The following RYR2 variants were observed in gnomAD, a reference collection of about 807,000 sequenced individuals.
RYR2 encodes ryanodine receptor 2.
RYR2 carries 227 observed loss-of-function variants against 601.1 expected under a neutral mutation model. The ratio of observed to expected loss-of-function variants is 0.38; its 90% confidence interval spans 0.34 to 0.42. The LOEUF (loss-of-function observed/expected upper bound fraction) is 0.42. Among genes scored for constraint, RYR2 ranks in the 10% least tolerant of loss-of-function variants. The pLI is 1.00. For missense variants in RYR2, 4,646 were observed against 6,156.5 expected (o/e 0.75, Z 8.21); for synonymous variants, 2,223 against 2,175.1 (o/e 1.02, Z -0.61).
chr1:237,496,014 G>A (rs894076287), intron 19 of RYR2, among the ~76,000 whole-genome samples: 1 of 152,184 alleles, frequency 6.6e-6, no homozygotes, highest in African/African-American at 2.4e-5. Flanking sequence ...GGCTTTCTCT[G>A]TGTACTACCT....
chr1:237,342,455 A>C (rs1697906208), intron 3 of RYR2, among the ~76,000 whole-genome samples: 1 of 151,792 alleles, frequency 6.6e-6, no homozygotes, highest in Admixed American at 6.6e-5. Flanking sequence ...CACCCCACTC[A>C]TACAACCTCT....
chr1:237,456,488 A>G (rs1018081380), intron 15 of RYR2, 112 bp from the exon 16 acceptor site: 1 of 1,161,156 alleles, frequency 8.6e-7, no homozygotes, highest in Non-Finnish European at 1.1e-6. Flanking sequence ...TGATTAGTAG[A>G]TGAACCTTCA....
rs1572014733 is a variant in RYR2, at chr1:237,369,574, A to G, written c.350A>G (p.His117Arg). ...GGGHRTLLYG[H>R]AILLRHSYSG... ...GGTCATCGAACACTCCTCTACGGACATGCCATATTGCTGCGCCATTCCTAT... is the reference window on the plus strand; with the variant it reads ...GGTCATCGAACACTCCTCTACGGACGTGCCATATTGCTGCGCCATTCCTAT... The change falls in exon 6 of 105, where the codon CAT (histidine) becomes CGT (arginine). Residue 117 changes from histidine (H) to arginine (R), a missense_variant. Physicochemically the swap from His to Arg is conservative, Grantham distance 29. Transcript: ENST00000366574. 6.4e-7 allele frequency: 1 copy of G among 1,565,286 alleles called. No individual in the cohort carries two copies. The highest frequency in any genetic ancestry group is 8.7e-7 in the Non-Finnish European group (1 of 1,153,036).
intron 10 of RYR2, among the ~76,000 whole-genome samples, chr1:237,407,617 T>G (rs945287226): frequency 4.6e-5 from 7 of 150,862 alleles, no homozygotes; most frequent in Admixed American, 4.6e-4. Flanking sequence ...TTGTTTTTTT[T>G]TTTTTTTTTT....
chr1:237,803,256 G>A (rs2149424785), intron 98 of RYR2, among the ~76,000 whole-genome samples: 1 of 151,912 alleles, frequency 6.6e-6, no homozygotes, highest in Middle Eastern at 3.4e-3. Flanking sequence ...TGTCACTTAG[G>A]TCGTTACTCA....
intron 1 of RYR2, among the ~76,000 whole-genome samples, chr1:237,200,848 A>T (rs752793995): frequency 3.3e-5 from 5 of 152,180 alleles, no homozygotes; most frequent in Non-Finnish European, 7.3e-5. Flanking sequence ...ATCGATTGCT[A>T]AAGTTATGTG....
chr1:237,399,974 C>A (rs896340121), intron 10 of RYR2, among the ~76,000 whole-genome samples: 2 of 151,828 alleles, frequency 1.3e-5, no homozygotes, highest in Non-Finnish European at 2.9e-5. Flanking sequence ...TGAAGAGAAA[C>A]TCAGAAAGAT....
chr1:237,822,883 C>T (rs2102867631), intron 101 of RYR2, among the ~76,000 whole-genome samples: 1 of 152,238 alleles, frequency 6.6e-6, no homozygotes, highest in Admixed American at 6.5e-5. Context: ...GCAGGGATTG[C>T]AATTCTAGTC....
rs928918948 is a variant in RYR2 at position 237,081,621 on chromosome 1, G to A, written c.48+39052G>A. 1.7e-4 allele frequency among the ~76,000 whole-genome samples: 25 copies of A among 150,934 alleles called. 1 individual carries two copies. Among genetic ancestry groups the A allele is most frequent in the East Asian group, 3.9e-4 (2 of 5,126 alleles). On this transcript the variant is annotated intron_variant, in intron 1 of 104. Transcript: ENST00000366574. ...ACATATATGGCACACACACACATAC[G>A]CACACACTCTCTCTCTCCCTCTCTC...
At position 237,340,177 on chromosome 1, in the gene RYR2, G is replaced by C. The variant is rs546344641; in HGVS notation, c.273+9195G>C. 1.2e-4 allele frequency among the ~76,000 whole-genome samples: 18 copies of C among 152,294 alleles called. No homozygotes were observed. In the South Asian group the frequency reaches 3.7e-3, roughly 32 times the overall value. ...TCTTGAGCCAAACTAGGACCAACAA[G>C]TAAAATCTTTGCCTATGAAAACAAA... On this transcript the variant is annotated intron_variant, in intron 3 of 104. Coordinates refer to ENST00000366574, the MANE Select transcript of RYR2 (RefSeq NM_001035.3).
chr1:237,493,934 CT>C (rs1285810835), intron 19 of RYR2, among the ~76,000 whole-genome samples: 2 of 152,188 alleles, frequency 1.3e-5, no homozygotes, highest in Non-Finnish European at 2.9e-5. Flanking sequence ...GTATTCTCTA[CT>C]GTTTGTGTCT....
chr1:237,407,035 A>C (rs1163400236), intron 10 of RYR2, among the ~76,000 whole-genome samples: 1 of 152,146 alleles, frequency 6.6e-6, no homozygotes. Flanking sequence ...TATTTATTTT[A>C]CTGTCTCCAT....
At chr1:237,339,235 A>G (rs2149605212) in intron 3 of RYR2, among the ~76,000 whole-genome samples, 1 of 152,276 alleles carries the variant, frequency 6.6e-6, no homozygotes, top group South Asian at 2.1e-4. Context: ...TACCACACTC[A>G]TCATGTTTTA....
intron 1 of RYR2, among the ~76,000 whole-genome samples, chr1:237,128,113 G>C (rs1283929239): frequency 1.3e-5 from 2 of 152,180 alleles, no homozygotes; most frequent in African/African-American, 2.4e-5. Context: ...CTGAGTGAAC[G>C]AGACTCCGTC....
chr1:237,514,375 G>A (rs1217414500), intron 24 of RYR2, among the ~76,000 whole-genome samples: 2 of 152,160 alleles, frequency 1.3e-5, no homozygotes, highest in East Asian at 1.9e-4. Context: ...GGCTGATTTG[G>A]TTAATCTTCA....
At chr1:237,167,749 G>A (rs1676881453) in intron 1 of RYR2, among the ~76,000 whole-genome samples, 1 of 126,610 alleles carries the variant, frequency 7.9e-6, no homozygotes, top group Non-Finnish European at 1.6e-5. Context: ...TAGAGATGAG[G>A]TCTTGCTGTG....
chr1:237,439,447 C>A (rs1707694756), intron 12 of RYR2, among the ~76,000 whole-genome samples: 1 of 152,096 alleles, frequency 6.6e-6, no homozygotes, highest in African/African-American at 2.4e-5. Context: ...GCGTTTAAGA[C>A]TAGCCTCACC....
intron 98 of RYR2, among the ~76,000 whole-genome samples, chr1:237,802,972 A>G (rs1402808093): frequency 2.0e-5 from 3 of 152,182 alleles, no homozygotes; most frequent in African/African-American, 4.8e-5. Context: ...CTGCAGTTTC[A>G]TGGCTTCTGT....
At chr1:237,805,674 G>A (rs919593181) in intron 98 of RYR2, among the ~76,000 whole-genome samples, 3 of 143,068 alleles carry the variant, frequency 2.1e-5, no homozygotes, top group African/African-American at 7.9e-5. Context: ...CTTTTTAATT[G>A]TATTTTTTTA....
Sources: allele counts gnomAD v4.1 joint callset (sites outside exome capture counted in the v4.1 genomes callset), GRCh38; gene constraint gnomAD v4.1.1; transcripts MANE v1.5; gene names NCBI Gene and HGNC (gene_info 2026-07-23, HGNC 2026-07-21).